MANSC1: variants seen among roughly 807,000 people sequenced by gnomAD.
MANSC1 encodes the protein MANSC domain containing 1, also known as MANSC domain-containing protein 1.
MANSC1 carries 13 observed loss-of-function variants against 14.1 expected under a neutral mutation model. The observed-to-expected ratio is 0.92, with a 90% CI of 0.60 to 1.46. MANSC1 has a LOEUF of 1.46. MANSC1 is among the 40% of genes most tolerant of loss of function. The pLI is 0.00. For synonymous variants in MANSC1, 227 were observed against 200.7 expected (o/e 1.13, Z -1.11); for missense variants, 486 against 511.4 (o/e 0.95, Z 0.48).
At chr12:12,346,244 C>G (rs1863008654) in intron 1 of MANSC1, among the ~76,000 whole-genome samples, 1 of 151,928 alleles carries the variant, frequency 6.6e-6, no homozygotes, top group African/African-American at 2.4e-5. Context: ...GCACTGCAGC[C>G]TGGGCGACAG....
At chr12:12,337,270 C>G (rs934990735) in intron 3 of MANSC1, among the ~76,000 whole-genome samples, 14 of 149,820 alleles carry the variant, frequency 9.3e-5, no homozygotes, top group Non-Finnish European at 1.5e-4. Context: ...GAGTGAGACT[C>G]TCTCTCAAAA....
At chr12:12,338,595 A>T in intron 2 of MANSC1, 35 bp from the exon 3 acceptor site, 1 of 1,605,912 alleles carries the variant, frequency 6.2e-7, no homozygotes, top group Non-Finnish European at 8.5e-7. Context: ...TGATTTTGAA[A>T]TGCGATTTTC....
intron 1 of MANSC1, among the ~76,000 whole-genome samples, chr12:12,347,685 C>T (rs564507977): frequency 1.2e-4 from 18 of 152,336 alleles, no homozygotes; most frequent in African/African-American, 3.8e-4. Context: ...ATTGCAAATT[C>T]AAACAAGATA....
intron 2 of MANSC1, among the ~76,000 whole-genome samples, chr12:12,339,922 C>T (rs747884409): frequency 5.9e-5 from 9 of 152,110 alleles, no homozygotes; most frequent in Non-Finnish European, 8.8e-5. Flanking sequence ...AAACAATCCT[C>T]CCACCTCAGC....
At chr12:12,335,211 G>T (rs191170183) in intron 3 of MANSC1, among the ~76,000 whole-genome samples, 2 of 151,706 alleles carry the variant, frequency 1.3e-5, no homozygotes, top group African/African-American at 4.8e-5. Context: ...TCTCCATCTC[G>T]CCCGCCACTC....
Position 12,343,128 on chromosome 12 carries a change from AG to A in MANSC1, c.186del (p.Cys63AlafsTer19). The A allele has an allele frequency of 1.2e-6, 2 of 1,613,550 alleles. No individual in the cohort carries two copies. The highest frequency in any genetic ancestry group is 1.7e-6 in the Non-Finnish European group (2 of 1,179,446). ...TTTGTTGAACAGCAAGAATTAATGC[AG>A]TCTTCTTGAGTTGAAGTATATACGG... The part of the protein sequence containing the change: ...NEPVYTSTQE[D>X]CINSCCSTKN... On this transcript the variant is annotated frameshift_variant, in exon 2 of 4. Coordinates refer to ENST00000535902, the MANE Select transcript of MANSC1 (RefSeq NM_018050.4). LOFTEE classifies it high-confidence loss of function.
rs1442979777 is a variant in MANSC1, at chr12:12,330,124, C to T, written c.1199G>A (p.Gly400Asp). 2.5e-6 allele frequency: 4 copies of T among 1,613,960 alleles called. No individual in the cohort carries two copies. Among genetic ancestry groups the T allele is most frequent in the Non-Finnish European group, 3.4e-6 (4 of 1,180,002 alleles). The change falls in exon 4 of 4, where the codon GGC becomes GAC. Residue 400 changes from glycine to aspartate, a missense_variant. Transcript: ENST00000535902. ...LLFGVLFLVI[G>D]LVLLGRILSE... ...GAGGATTCTACCCAGGAGGACGAGG[C>T]CTATCACCAGGAACAGGACACCAAA...
At chr12:12,331,728 C>T (rs79346971) in intron 3 of MANSC1, among the ~76,000 whole-genome samples, 15,249 of 152,102 alleles carry the variant, frequency 0.1, 996 homozygotes, top group East Asian at 0.21. Flanking sequence ...GAGGAGGGGC[C>T]AGGCAGGGTC....
At chr12:12,340,900 A>G (rs530181183) in intron 2 of MANSC1, among the ~76,000 whole-genome samples, 36 of 152,202 alleles carry the variant, frequency 2.4e-4, no homozygotes, top group African/African-American at 8.7e-4. Flanking sequence ...AATTACTTGC[A>G]TAAAGTGTCC....
At chr12:12,332,648 G>A (rs961178321) in intron 3 of MANSC1, among the ~76,000 whole-genome samples, 3 of 152,106 alleles carry the variant, frequency 2.0e-5, no homozygotes, top group African/African-American at 7.2e-5. Flanking sequence ...TGCCTCCTGA[G>A]TAGCTGGGAT....
chr12:12,331,859 C>G (rs1862794952), intron 3 of MANSC1, among the ~76,000 whole-genome samples: 1 of 152,150 alleles, frequency 6.6e-6, no homozygotes, highest in African/African-American at 2.4e-5. Context: ...TGGGAGATTT[C>G]ATTTGGACTC....
At position 12,330,087 on chromosome 12, in the gene MANSC1, G is replaced by C; in HGVS notation, c.1236C>G (p.Leu412=). 6.2e-7 allele frequency: 1 copy of C among 1,614,190 alleles called. No individual in the cohort carries two copies. Among genetic ancestry groups the C allele is most frequent in the Non-Finnish European group, 8.5e-7 (1 of 1,180,042 alleles). Residue 412 remains leucine (L), a synonymous_variant, in exon 4 of 4, where the codon CTC becomes CTG. Coordinates refer to ENST00000535902, the MANE Select transcript of MANSC1 (RefSeq NM_018050.4). ...VLLGRILSES[L]RRKRYSRLDY... ...CCAGTCTTGAGTAACGTTTCCTGCG[G>C]AGTGATTCCGAGAGGATTCTACCCA...
chr12:12,335,193 CACT>C (rs1862841708), intron 3 of MANSC1, among the ~76,000 whole-genome samples: 1 of 152,104 alleles, frequency 6.6e-6, no homozygotes, highest in South Asian at 2.1e-4. Flanking sequence ...CCCATATGTC[CACT>C]ACTCTCTCCA....
At chr12:12,349,735 A>G (rs1863053261) in intron 1 of MANSC1, among the ~76,000 whole-genome samples, 2 of 152,256 alleles carry the variant, frequency 1.3e-5, no homozygotes, top group Non-Finnish European at 1.5e-5. Flanking sequence ...TAGCAGTTTC[A>G]ATAATGAATA....
intron 3 of MANSC1, among the ~76,000 whole-genome samples, chr12:12,337,646 G>T (rs2135992270): frequency 6.6e-6 from 1 of 152,136 alleles, no homozygotes; most frequent in East Asian, 1.9e-4. Context: ...GTCTATGAAG[G>T]GTCCACAGAA....
intron 1 of MANSC1, among the ~76,000 whole-genome samples, chr12:12,345,003 A>G (rs1862992200): frequency 7.9e-6 from 1 of 126,556 alleles, no homozygotes; most frequent in African/African-American, 2.9e-5. Context: ...AACCCTGACT[A>G]ATACAACAAC....
chr12:12,344,108 G>A (rs1300475896), intron 1 of MANSC1, among the ~76,000 whole-genome samples: 1 of 151,842 alleles, frequency 6.6e-6, no homozygotes, highest in East Asian at 1.9e-4. Flanking sequence ...GCGAGACCAT[G>A]TCTCAAAAAA....
chr12:12,335,467 A>C (rs916944830), intron 3 of MANSC1, among the ~76,000 whole-genome samples: 5 of 151,624 alleles, frequency 3.3e-5, no homozygotes, highest in African/African-American at 1.2e-4. Context: ...CAGCCTCCTG[A>C]GTAGCTGGGA....
chr12:12,331,122 G>A (rs949291572), intron 3 of MANSC1, among the ~76,000 whole-genome samples, 164 bp from the exon 4 acceptor site: 4 of 152,212 alleles, frequency 2.6e-5, no homozygotes, highest in Non-Finnish European at 1.5e-5. Context: ...CAGGAGGATG[G>A]TTTGAGGCCA....
Sources: allele counts gnomAD v4.1 joint callset (sites outside exome capture counted in the v4.1 genomes callset), GRCh38; gene constraint gnomAD v4.1.1; transcripts MANE v1.5; gene names NCBI Gene and HGNC (gene_info 2026-07-23, HGNC 2026-07-21).